Variants in SYT3 observed in about 807,000 individuals in gnomAD.
SYT3 encodes the protein synaptotagmin-3.
Under a neutral mutation model 50.6 loss-of-function variants are expected in SYT3, and 25 were observed. The observed-to-expected ratio is 0.49, with a 90% CI of 0.36 to 0.69. The LOEUF is 0.69. Among genes scored for constraint, SYT3 ranks in the 30% least tolerant of loss-of-function variants. The pLI is 0.00. For synonymous variants in SYT3, 323 were observed against 353.9 expected (o/e 0.91, Z 0.98); for missense variants, 589 against 793.6 (o/e 0.74, Z 3.10).
chr19:50,625,299 G>C lies in SYT3; in HGVS notation c.1575-5C>G, dbSNP rs967615845. ...ATCACCTCGTTGTGCCCGATGCTGG[G>C]GGTTGGGGTCAGTGAGGACCGTGGA... On this transcript the variant is annotated splice_region_variant and splice_polypyrimidine_tract_variant and intron_variant, in intron 8 of 10. Transcript: ENST00000600079. This position sits in a 1 kb window ranked among gnomAD's most constrained non-coding sequence, Gnocchi z 7.5. 1.3e-6 allele frequency: 2 copies of C among 1,534,180 alleles called. No individual in the cohort carries two copies. Among genetic ancestry groups the C allele is most frequent in the Non-Finnish European group, 1.8e-6 (2 of 1,142,242 alleles).
At chr19:50,635,426 C>T (rs1300188303) in intron 3 of SYT3, among the ~76,000 whole-genome samples, 1 of 152,214 alleles carries the variant, frequency 6.6e-6, no homozygotes, top group Admixed American at 6.5e-5. Flanking sequence ...ACAGATTCCC[C>T]ATTCCTGTCT....
chr19:50,657,438 A>G, the SYT3 span, among the ~76,000 whole-genome samples: 1 of 152,304 alleles, frequency 6.6e-6, no homozygotes, highest in Non-Finnish European at 1.5e-5. Context: ...GACAACTGTT[A>G]TCACCCTTGA....
At position 50,637,606 on chromosome 19, in the gene SYT3, A is replaced by G. The variant is rs1477506327; in HGVS notation, c.-15-180T>C. 3 of 567,876 alleles carry G rather than the reference A, an allele frequency of 5.3e-6. No homozygotes were observed. 35.2% of individuals were successfully genotyped at this position (567,876 alleles called of 1,614,324 possible). A position where few individuals can be genotyped will look rare whatever the true frequency, so the allele number is the denominator to read the frequency against. On this transcript the variant is annotated intron_variant, in intron 2 of 10. Coordinates refer to ENST00000600079, the MANE Select transcript of SYT3 (RefSeq NM_001160329.2). The surrounding 1 kb of genome is among the most constrained non-coding windows in gnomAD (Gnocchi z 4.9). ...ATTCGAGGAAGAAGGACAAGGTGAC[A>G]GGTATTAGGGATGGACAAGGAAAAG...
chr19:50,632,224 A>C lies in SYT3; in HGVS notation c.674+62T>G. On this transcript the variant is annotated intron_variant, in intron 4 of 10. Transcript: ENST00000600079. The surrounding 1 kb of genome is among the most constrained non-coding windows in gnomAD (Gnocchi z 4.7). ...CGAACTCATAAGAGCTATAGATAGG[A>C]AAGAGACACAGAGGAGGAGCAGAAG... The C allele has an allele frequency of 6.7e-7, 1 of 1,483,346 alleles. No homozygotes were observed. The allele number at this position is 1,483,346 out of a possible 1,614,324, so 91.9% of individuals were successfully genotyped here. A position where few individuals can be genotyped will look rare whatever the true frequency, so the allele number is the denominator to read the frequency against.
chr19:50,630,067 C>T lies in SYT3; in HGVS notation c.779G>A (p.Gly260Asp). The T allele has an allele frequency of 3.1e-6, 5 of 1,613,976 alleles. No individual in the cohort carries two copies. Among genetic ancestry groups the T allele is most frequent in the Non-Finnish European group, 4.2e-6 (5 of 1,179,950 alleles). Residue 260 changes from glycine (G) to aspartate (D), a missense_variant, in exon 5 of 11, where the codon GGC becomes GAC. Around this residue, in one of 2 missense-constraint regions of SYT3, gnomAD observed 316 missense variants for 354.3 expected, o/e 0.89. Coordinates refer to ENST00000600079, the MANE Select transcript of SYT3 (RefSeq NM_001160329.2). ...PPALPLPLPG[G>D]EEKAKLIGQI... is the part of the protein sequence containing the mutation. ...CCCAATGAGTTTGGCTTTTTCCTCG[C>T]CTCCAGGCAGGGGTAAGGGCAGGGC...
At position 50,623,962 on chromosome 19, in the gene SYT3, C is replaced by CT. The variant is rs950343718; in HGVS notation, c.1707+1199dup. 1.9e-3 allele frequency among the ~76,000 whole-genome samples: 264 copies of CT among 139,080 alleles called. 1 individual carries two copies. The highest frequency in any genetic ancestry group is 7.5e-3 in the Middle Eastern group (2 of 268). The allele number at this position is 139,080 out of a possible 152,430, so 91.2% of individuals were successfully genotyped here. A position where few individuals can be genotyped will look rare whatever the true frequency, so the allele number is the denominator to read the frequency against. Reference sequence around the variant, plus strand: ...AAATGTATGTGCCCTCATATACTTGCTTTTTTTTTTTTTTTAAGGAGAGGG... The same window carrying CT: ...AAATGTATGTGCCCTCATATACTTGCTTTTTTTTTTTTTTTTAAGGAGAGGG... On this transcript the variant is annotated intron_variant, in intron 9 of 10. Transcript: ENST00000600079.
intron 3 of SYT3, among the ~76,000 whole-genome samples, chr19:50,634,116 T>TA (rs1433154339): frequency 6.6e-6 from 1 of 152,268 alleles, no homozygotes; most frequent in Non-Finnish European, 1.5e-5. Context: ...GAATTGTTCT[T>TA]ACAATCAAAG....
At chr19:50,624,248 C>T (rs1281384667) in intron 9 of SYT3, among the ~76,000 whole-genome samples, 2 of 152,178 alleles carry the variant, frequency 1.3e-5, no homozygotes, top group African/African-American at 4.8e-5. Flanking sequence ...GGATTTCAGG[C>T]ATGAGCCACT....
At chr19:50,656,417 C>A in the SYT3 span, 1 of 1,465,402 alleles carries the variant, frequency 6.8e-7, no homozygotes, top group South Asian at 1.4e-5. Context: ...GGCTGAGAAG[C>A]AGTGTGGCCA....
chr19:50,627,714 G>C (rs1241644797), intron 6 of SYT3, among the ~76,000 whole-genome samples: 1 of 122,716 alleles, frequency 8.1e-6, no homozygotes, highest in Non-Finnish European at 1.6e-5. Context: ...GTGACAGAGA[G>C]AGACTCTGTC....
chr19:50,646,305 G>A, the SYT3 span, among the ~76,000 whole-genome samples: 1 of 152,182 alleles, frequency 6.6e-6, no homozygotes, highest in Non-Finnish European at 1.5e-5. Context: ...GCACAGCCTG[G>A]GAGCAGCATT....
chr19:50,656,041 T>C, the SYT3 span: 1 of 1,536,054 alleles, frequency 6.5e-7, no homozygotes, highest in East Asian at 2.4e-5. Context: ...CTGGGTTCTC[T>C]GTCCTCAGGA....
In SYT3 at chr19:50,637,278, C is replaced by G; in HGVS notation, c.134G>C (p.Arg45Pro). 1 of 1,613,270 alleles carries G rather than the reference C, an allele frequency of 6.2e-7. No individual in the cohort carries two copies. The change falls in exon 3 of 11, where the codon CGG (arginine) becomes CCG (proline). Residue 45 changes from arginine (R) to proline (P), a missense_variant. Physicochemically the swap from Arg to Pro is moderately radical, Grantham distance 103. This residue lies in a region of SYT3 where 316 missense variants were observed against 354.3 expected (regional missense o/e 0.89). Transcript: ENST00000600079. This position sits in a 1 kb window ranked among gnomAD's most constrained non-coding sequence, Gnocchi z 4.9. ...GGGGTGCTGACCTGCATCTGGACCC[C>G]GGGGATAGCCTCGGATTCGGTCATT... ...EFNDRIRGYP[R>P]GPDADISVSL...
At position 50,632,130 on chromosome 19, in the gene SYT3, G is replaced by A. The variant is rs1409369837; in HGVS notation, c.674+156C>T. The stretch of plus-strand genomic sequence containing the variant: ...CAGCCCCAACCTCCCTCAGATCCAG[G>A]AGTCTAGGGCCCCAGCCTCCTCTTT... On this transcript the variant is annotated intron_variant, in intron 4 of 10. Coordinates refer to ENST00000600079, the MANE Select transcript of SYT3 (RefSeq NM_001160329.2). This position sits in a 1 kb window ranked among gnomAD's most constrained non-coding sequence, Gnocchi z 4.7. Among the ~76,000 whole-genome samples, 3 of 152,008 alleles carry A rather than the reference G, an allele frequency of 2.0e-5. No individual in the cohort carries two copies. Among genetic ancestry groups the A allele is most frequent in the Admixed American group, 2.0e-4 (3 of 15,264 alleles).
chr19:50,630,184 G>T lies in SYT3; in HGVS notation c.675-13C>A, dbSNP rs773161281. ...CAGGGCTGGGTACCTGTAGGGGGTT[G>T]GGGGGAGACCAAGGTGAGGTCAGTG... is the stretch of plus-strand genomic sequence containing the variant. On this transcript the variant is annotated splice_polypyrimidine_tract_variant and intron_variant, in intron 4 of 10. Coordinates refer to ENST00000600079, the MANE Select transcript of SYT3 (RefSeq NM_001160329.2). 4 of 1,504,584 alleles carry T rather than the reference G, an allele frequency of 2.7e-6. No homozygotes were observed. The East Asian group carries it at 9.3e-5, about 35-fold the overall frequency. 93.2% of individuals were successfully genotyped at this position (1,504,584 alleles called of 1,614,324 possible). A position where few individuals can be genotyped will look rare whatever the true frequency, so the allele number is the denominator to read the frequency against.
At chr19:50,641,465 G>T (rs193172698), upstream of SYT3, among the ~76,000 whole-genome samples, 1 of 147,230 alleles carries the variant, frequency 6.8e-6, no homozygotes, top group Non-Finnish European at 1.5e-5. Flanking sequence ...CACCGCGCCC[G>T]GCCTAGCCCA....
chr19:50,625,085 A>G lies in SYT3; in HGVS notation c.1707+77T>C. 2.9e-6 allele frequency: 4 copies of G among 1,381,466 alleles called. No individual in the cohort carries two copies. Among genetic ancestry groups the G allele is most frequent in the East Asian group, 2.6e-5 (1 of 38,540 alleles). The allele number at this position is 1,381,466 out of a possible 1,614,324, so 85.6% of individuals were successfully genotyped here. Reference sequence around the variant, plus strand: ...CTGGCTCTGCGACTCACGAACATGCAGGGCGTTCGTTGCATGGATGAAGGG... The same window carrying G: ...CTGGCTCTGCGACTCACGAACATGCGGGGCGTTCGTTGCATGGATGAAGGG... On this transcript the variant is annotated intron_variant, in intron 9 of 10. Transcript: ENST00000600079. The surrounding 1 kb of genome is among the most constrained non-coding windows in gnomAD (Gnocchi z 7.5).
Position 50,625,384 on chromosome 19 carries a change from G to C in SYT3, c.1574+9C>G, listed in dbSNP as rs768850566. The C allele has an allele frequency of 1.3e-6, 2 of 1,542,558 alleles. No individual in the cohort carries two copies. The highest frequency in any genetic ancestry group is 1.2e-5 in the South Asian group (1 of 83,410). On this transcript the variant is annotated intron_variant, in intron 8 of 10. Coordinates refer to ENST00000600079, the MANE Select transcript of SYT3 (RefSeq NM_001160329.2). This position sits in a 1 kb window ranked among gnomAD's most constrained non-coding sequence, Gnocchi z 7.5. The stretch of plus-strand genomic sequence containing the variant: ...CCTGCCTGACCCCCGCCCGGGCCGC[G>C]CCCCTCACCAGTCGTAGTCTACCAC...
intron 4 of SYT3, among the ~76,000 whole-genome samples, chr19:50,631,793 G>C (rs1232243676): frequency 6.6e-6 from 1 of 152,000 alleles, no homozygotes; most frequent in Non-Finnish European, 1.5e-5. Flanking sequence ...CGCCTCCCCT[G>C]CGCTGTGAGT....
Sources: gnomAD v4.1 joint callset for allele counts (sites outside exome capture counted in the v4.1 genomes callset) on GRCh38, gnomAD v4.1.1 for gene constraint, gnomAD v4.1.1 regional missense constraint, Gnocchi (gnomAD v3.1) non-coding constraint, MANE v1.5 for transcripts, NCBI Gene and HGNC (gene_info 2026-07-23, HGNC 2026-07-21) for gene names.